PCDH15: variants seen among roughly 807,000 people sequenced by gnomAD.
PCDH15 encodes protocadherin related 15.
In PCDH15, 129 loss-of-function variants were observed where a neutral mutation model predicts 178.5. That is an observed-to-expected ratio of 0.72 (90% CI 0.63 to 0.84). PCDH15 has a LOEUF of 0.84. Among genes scored for constraint, PCDH15 ranks in the 40% least tolerant of loss-of-function variants. The pLI is 0.00. For missense variants in PCDH15, 2,230 were observed against 2,099.9 expected (o/e 1.06, Z -1.21); for synonymous variants, 800 against 732.0 (o/e 1.09, Z -1.50).
intron 3 of PCDH15, among the ~76,000 whole-genome samples, chr10:54,825,326 A>C (rs1209292156): frequency 6.7e-6 from 1 of 149,206 alleles, no homozygotes; most frequent in Non-Finnish European, 1.5e-5. Flanking sequence ...TAGTGCCGCA[A>C]TAAACATACG....
chr10:54,903,436 A>T (rs1591773165), intron 2 of PCDH15, among the ~76,000 whole-genome samples: 1 of 152,160 alleles, frequency 6.6e-6, no homozygotes, highest in South Asian at 2.1e-4. Context: ...TATAATAGCT[A>T]AGAATATGAT....
At position 55,395,214 on chromosome 10, in the gene PCDH15, A is replaced by T. The variant is rs1360504456; in HGVS notation, c.-155-228563T>A. On this transcript the variant is annotated intron_variant, in intron 2 of 5. Coordinates refer to the PCDH15 transcript ENST00000613346. ...GTGTGTGTGAGAGAGAGAGAGAGAG[A>T]GAGAGAGAGAGAGAGAGAAAGAGAC... Among the ~76,000 whole-genome samples, 429 of 150,054 alleles carry T rather than the reference A, an allele frequency of 2.9e-3. 2 individuals are homozygous for T. Among genetic ancestry groups the T allele is most frequent in the African/African-American group, 9.4e-3 (385 of 40,808 alleles).
intron 2 of PCDH15, among the ~76,000 whole-genome samples, chr10:55,550,920 C>A (rs1841991553): frequency 6.6e-6 from 1 of 152,012 alleles, no homozygotes. Flanking sequence ...AACTTCCTTC[C>A]AATATTTGAG....
chr10:53,837,694 C>A (rs191217581), intron 29 of PCDH15, among the ~76,000 whole-genome samples: 6 of 151,994 alleles, frequency 3.9e-5, no homozygotes, highest in Admixed American at 2.6e-4. Flanking sequence ...ACCAATAACT[C>A]TCACAACTAC....
At chr10:55,497,825 C>A (rs1202957594) in intron 2 of PCDH15, among the ~76,000 whole-genome samples, 3 of 151,796 alleles carry the variant, frequency 2.0e-5, no homozygotes, top group East Asian at 3.9e-4. Context: ...ACATATCTGG[C>A]AAGATGATTC....
At chr10:54,387,952 T>C (rs1950111899) in intron 3 of PCDH15, among the ~76,000 whole-genome samples, 1 of 152,088 alleles carries the variant, frequency 6.6e-6, no homozygotes. Flanking sequence ...ACAAAGTAGG[T>C]TGTTACCAAG....
At chr10:55,408,182 T>A (rs575233035) in intron 2 of PCDH15, among the ~76,000 whole-genome samples, 5 of 113,280 alleles carry the variant, frequency 4.4e-5, no homozygotes, top group African/African-American at 1.6e-4. Flanking sequence ...ATAACCTTGA[T>A]TCTTTTTTCT....
At chr10:55,434,778 G>A (rs1337523936) in intron 2 of PCDH15, among the ~76,000 whole-genome samples, 1 of 151,846 alleles carries the variant, frequency 6.6e-6, no homozygotes. Flanking sequence ...GCTAATTTTT[G>A]TATTTTTAGT....
intron 1 of PCDH15, among the ~76,000 whole-genome samples, chr10:55,223,124 G>T (rs1226056715): frequency 6.6e-6 from 1 of 152,038 alleles, no homozygotes; most frequent in Admixed American, 6.5e-5. Flanking sequence ...TGTTGCTTAT[G>T]TGACCGAGGT....
chr10:55,542,142 A>C (rs543694307), intron 2 of PCDH15, among the ~76,000 whole-genome samples: 61 of 151,554 alleles, frequency 4.0e-4, no homozygotes, highest in African/African-American at 1.4e-3. Context: ...TTATATATAT[A>C]TGTCTATATA....
chr10:54,371,162 C>A (rs1947605014), intron 4 of PCDH15, among the ~76,000 whole-genome samples: 1 of 151,500 alleles, frequency 6.6e-6, no homozygotes. Context: ...TAATGGGTTA[C>A]AAAATGGTAA....
At chr10:55,395,309 T>C (rs1837901531) in intron 2 of PCDH15, among the ~76,000 whole-genome samples, 1 of 151,968 alleles carries the variant, frequency 6.6e-6, no homozygotes, top group South Asian at 2.1e-4. Context: ...TTTTCAGTCT[T>C]AATTGTTTTG....
intron 23 of PCDH15, among the ~76,000 whole-genome samples, chr10:53,943,880 T>C (rs1276695256): frequency 6.6e-6 from 1 of 152,132 alleles, no homozygotes; most frequent in Non-Finnish European, 1.5e-5. Flanking sequence ...TTTCTATTTT[T>C]TGGCAGGATT....
intron 18 of PCDH15, among the ~76,000 whole-genome samples, chr10:54,063,436 G>C (rs1298525254): frequency 6.6e-6 from 1 of 151,986 alleles, no homozygotes; most frequent in African/African-American, 2.4e-5. Context: ...ACATGCCCCT[G>C]TTATAGACTT....
chr10:54,193,485 C>A (rs1258389390), intron 11 of PCDH15, among the ~76,000 whole-genome samples: 1 of 152,114 alleles, frequency 6.6e-6, no homozygotes, highest in African/African-American at 2.4e-5. Flanking sequence ...AGTATGTATT[C>A]AATTGAAAAG....
intron 18 of PCDH15, among the ~76,000 whole-genome samples, chr10:54,031,559 A>G (rs2093296073): frequency 6.6e-6 from 1 of 151,950 alleles, no homozygotes; most frequent in African/African-American, 2.4e-5. Flanking sequence ...GAAGGAAAAA[A>G]AAAAGATAGC....
rs528959363 is a variant in PCDH15, at chr10:55,195,612, G to A, written c.-155-28961C>T. 2.3e-4 allele frequency among the ~76,000 whole-genome samples: 34 copies of A among 146,530 alleles called. No individual in the cohort carries two copies. The Middle Eastern group carries it at 0.014, about 62-fold the overall frequency. ...GGAGGATGTAGTGAGCTGAGATTGC[G>A]CCACTGCACTCCAGCCTGGGTGACA... is the stretch of plus-strand genomic sequence containing the variant. On this transcript the variant is annotated intron_variant, in intron 1 of 5. Transcript: ENST00000458638.
chr10:55,516,757 G>C (rs1177305245), intron 2 of PCDH15, among the ~76,000 whole-genome samples: 1 of 152,078 alleles, frequency 6.6e-6, no homozygotes, highest in Non-Finnish European at 1.5e-5. Flanking sequence ...GATATTTAGT[G>C]CTTTGTGACT....
intron 8 of PCDH15, among the ~76,000 whole-genome samples, chr10:54,258,690 T>C (rs186799426): frequency 2.3e-4 from 35 of 152,296 alleles, no homozygotes; most frequent in Admixed American, 2.0e-3. Context: ...AAAAATAAAA[T>C]CATTTGATAA....
Sources: allele counts gnomAD v4.1 joint callset (sites outside exome capture counted in the v4.1 genomes callset), GRCh38; gene constraint gnomAD v4.1.1; transcripts MANE v1.5; gene names NCBI Gene and HGNC (gene_info 2026-07-23, HGNC 2026-07-21).